MACROD2: variants seen among roughly 807,000 people sequenced by gnomAD.
MACROD2 encodes the protein ADP-ribose glycohydrolase MACROD2.
MACROD2 carries 36 observed loss-of-function variants against 70.4 expected under a neutral mutation model. The observed-to-expected ratio is 0.51, with a 90% confidence interval of 0.39 to 0.68. The LOEUF (loss-of-function observed/expected upper bound fraction) is 0.68, where lower values mean the gene tolerates loss of function less well. Ranked by LOEUF, MACROD2 falls within the 30% of genes least tolerant of loss-of-function variation. The pLI, the probability that MACROD2 is intolerant of heterozygous loss-of-function variation, is 0.00. For synonymous variants in MACROD2, 172 were observed against 178.8 expected, an observed-to-expected ratio of 0.96 and a Z score of 0.30; for missense variants, 496 against 538.4, an observed-to-expected ratio of 0.92 and a Z score of 0.78.
intron 6 of MACROD2, among the ~76,000 whole-genome samples, chr20:15,301,591 C>CTTTTTTT (rs71340214): frequency 0.012 from 974 of 81,246 alleles, 133 homozygotes; most frequent in African/African-American, 0.041. Flanking sequence ...GGTAGGTGGC[C>CTTTTTTT]TTTTTTTTTT....
intron 3 of MACROD2, among the ~76,000 whole-genome samples, chr20:14,274,369 A>G (rs1474388707): frequency 6.6e-6 from 1 of 152,340 alleles, no homozygotes; most frequent in African/African-American, 2.4e-5. Context: ...GTAATCCAGC[A>G]TATAAACAGA....
At chr20:14,829,197 T>A (rs2072936299) in intron 5 of MACROD2, among the ~76,000 whole-genome samples, 1 of 137,772 alleles carries the variant, frequency 7.3e-6, no homozygotes, top group Admixed American at 7.7e-5. Flanking sequence ...TGGCACAACC[T>A]CCCCTCACTG....
intron 3 of MACROD2, among the ~76,000 whole-genome samples, chr20:14,259,226 AT>A (rs1184549242): frequency 1.3e-5 from 2 of 152,054 alleles, no homozygotes; most frequent in African/African-American, 4.8e-5. Context: ...CAGGCAAAAG[AT>A]TTCTTTAATG....
chr20:14,767,859 A>G (rs2072112202), intron 5 of MACROD2, among the ~76,000 whole-genome samples: 1 of 151,620 alleles, frequency 6.6e-6, no homozygotes, highest in African/African-American at 2.4e-5. Context: ...TCTATTGTTC[A>G]ACTCCCACTT....
chr20:15,028,861 A>T (rs4814328), intron 5 of MACROD2, among the ~76,000 whole-genome samples: 26,644 of 152,176 alleles, frequency 0.18, 2,916 homozygotes, highest in East Asian at 0.35. Flanking sequence ...GAGGCAGGGT[A>T]CTTAGGAGGA....
chr20:15,394,953 T>C (rs767925146), intron 6 of MACROD2, among the ~76,000 whole-genome samples: 1 of 152,204 alleles, frequency 6.6e-6, no homozygotes, highest in Non-Finnish European at 1.5e-5. Flanking sequence ...AGAGTAGACT[T>C]TATTAATGTC....
chr20:14,574,130 G>A (rs2423826), intron 4 of MACROD2, among the ~76,000 whole-genome samples: 81,114 of 152,002 alleles, frequency 0.53, 23,117 homozygotes, highest in East Asian at 0.65. Flanking sequence ...TTTCTCCATG[G>A]TGGTCAGGTG....
At chr20:15,898,692 T>G (rs148589030) in intron 10 of MACROD2, among the ~76,000 whole-genome samples, 1 of 152,228 alleles carries the variant, frequency 6.6e-6, no homozygotes, top group African/African-American at 2.4e-5. Flanking sequence ...CTGTTGTTCT[T>G]GAGTCTAGGT....
intron 6 of MACROD2, among the ~76,000 whole-genome samples, chr20:15,285,129 AAC>A (rs2077479344): frequency 1.3e-5 from 2 of 152,190 alleles, no homozygotes; most frequent in African/African-American, 4.8e-5. Flanking sequence ...AGTATTAGTT[AAC>A]AGTCCTGCCC....
chr20:14,448,000 G>GTGTGTGTGTGTGTC (rs1341438962), intron 3 of MACROD2, among the ~76,000 whole-genome samples: 1 of 151,058 alleles, frequency 6.6e-6, no homozygotes. Context: ...GTGTGTGTGT[G>GTGTGTGTGTGTGTC]TGTGTGTCTG....
At chr20:16,031,674 T>C (rs1420642529) in intron 15 of MACROD2, among the ~76,000 whole-genome samples, 2 of 152,154 alleles carry the variant, frequency 1.3e-5, no homozygotes, top group Non-Finnish European at 2.9e-5. Flanking sequence ...CGATATATAG[T>C]AAATGCATAT....
chr20:15,867,916 C>T (rs983311079), intron 9 of MACROD2, among the ~76,000 whole-genome samples: 1 of 152,122 alleles, frequency 6.6e-6, no homozygotes, highest in African/African-American at 2.4e-5. Flanking sequence ...TTTTGCCCTC[C>T]TGGGGACATT....
rs555853613 is a variant in MACROD2 at position 14,732,152 on chromosome 20, A to G, written c.418+47193A>G. Reference sequence around the variant, plus strand: ...AACAGAAAGGGAATATTTATAGTCCAGTAAGACTTTGAAAAGGTATAGAGT... The same window carrying G: ...AACAGAAAGGGAATATTTATAGTCCGGTAAGACTTTGAAAAGGTATAGAGT... On this transcript the variant is annotated intron_variant, in intron 5 of 17. Coordinates refer to ENST00000684519, the MANE Select transcript of MACROD2 (RefSeq NM_001351661.2). Among the ~76,000 whole-genome samples, 283 of 152,330 alleles carry G rather than the reference A, an allele frequency of 1.9e-3. 1 individual carries two copies. Among genetic ancestry groups the G allele is most frequent in the African/African-American group, 6.7e-3 (277 of 41,562 alleles).
intron 3 of MACROD2, among the ~76,000 whole-genome samples, chr20:14,327,773 A>C (rs967309365): frequency 3.3e-5 from 5 of 152,158 alleles, no homozygotes; most frequent in Non-Finnish European, 5.9e-5. Flanking sequence ...TTTATAAATT[A>C]AAAAGTATCT....
chr20:14,994,257 A>C (rs1363188450), intron 5 of MACROD2, among the ~76,000 whole-genome samples: 2 of 152,146 alleles, frequency 1.3e-5, no homozygotes, highest in Non-Finnish European at 2.9e-5. Flanking sequence ...AAAAAAAAAG[A>C]ACAAATAAAA....
chr20:14,124,613 T>C (rs952281743), intron 3 of MACROD2, among the ~76,000 whole-genome samples: 2 of 151,970 alleles, frequency 1.3e-5, no homozygotes, highest in African/African-American at 2.4e-5. Flanking sequence ...ATGGCTATGA[T>C]TAAAAATAAA....
At chr20:14,056,759 G>A (rs1193665790) in intron 2 of MACROD2, among the ~76,000 whole-genome samples, 1 of 151,706 alleles carries the variant, frequency 6.6e-6, no homozygotes, top group Non-Finnish European at 1.5e-5. Flanking sequence ...TATTTAAAAT[G>A]TGCCCCAAGC....
chr20:15,401,475 G>A (rs982307676), intron 6 of MACROD2, among the ~76,000 whole-genome samples: 6 of 152,116 alleles, frequency 3.9e-5, no homozygotes, highest in African/African-American at 1.4e-4. Flanking sequence ...CCACTAATAT[G>A]AGCTATGATG....
At chr20:15,843,387 C>G (rs576023756) in intron 8 of MACROD2, among the ~76,000 whole-genome samples, 16 of 152,214 alleles carry the variant, frequency 1.1e-4, no homozygotes, top group Admixed American at 3.3e-4. Flanking sequence ...ATGGTTTATA[C>G]CAGTTCATGT....
Sources: allele counts gnomAD v4.1 joint callset (sites outside exome capture counted in the v4.1 genomes callset), GRCh38; gene constraint gnomAD v4.1.1; transcripts MANE v1.5; gene names NCBI Gene and HGNC (gene_info 2026-07-23, HGNC 2026-07-21).